Variants in SPHKAP observed in about 807,000 individuals in gnomAD.
The protein encoded by SPHKAP is SPHK1 interactor, AKAP domain containing.
In SPHKAP, 67 loss-of-function variants were observed where a neutral mutation model predicts 137.5. That is an observed-to-expected ratio of 0.49 (90% CI 0.40 to 0.60). The LOEUF is 0.60. Among genes scored for constraint, SPHKAP ranks in the 20% least tolerant of loss-of-function variants. SPHKAP has a pLI of 0.00. For synonymous variants in SPHKAP, 813 were observed against 785.3 expected (o/e 1.04, Z -0.59); for missense variants, 2,097 against 2,069.3 (o/e 1.01, Z -0.26).
intron 2 of SPHKAP, among the ~76,000 whole-genome samples, chr2:228,120,327 G>T (rs996423996): frequency 6.6e-6 from 1 of 152,052 alleles, no homozygotes; most frequent in African/African-American, 2.4e-5. Flanking sequence ...ATATATACCT[G>T]GTCTAAGTTT....
Position 227,995,532 on chromosome 2 carries a change from G to C in SPHKAP, c.4611C>G (p.Leu1537=). The C allele has an allele frequency of 1.2e-6, 2 of 1,614,074 alleles. No individual in the cohort carries two copies. Among genetic ancestry groups the C allele is most frequent in the Non-Finnish European group, 1.7e-6 (2 of 1,179,996 alleles). The part of the protein sequence containing the change: ...EDNPDDTSSF[L]QLSERSMSNG... ...ACCTCATGGATCGCTCACTGAGCTGGAGAAAGCTACTTGTGTCATCTGGGT... is the reference window on the plus strand; with the variant it reads ...ACCTCATGGATCGCTCACTGAGCTGCAGAAAGCTACTTGTGTCATCTGGGT... Residue 1537 remains leucine, a synonymous_variant, in exon 8 of 12, where the codon CTC becomes CTG. Coordinates refer to ENST00000392056, the MANE Select transcript of SPHKAP (RefSeq NM_001142644.2).
At chr2:228,094,909 G>C (rs1004636354) in intron 3 of SPHKAP, among the ~76,000 whole-genome samples, 1 of 152,146 alleles carries the variant, frequency 6.6e-6, no homozygotes, top group Non-Finnish European at 1.5e-5. Flanking sequence ...TTTTTTCTGT[G>C]TTTGTTTACT....
chr2:228,096,223 G>T (rs1310780797), intron 3 of SPHKAP, among the ~76,000 whole-genome samples: 2 of 152,144 alleles, frequency 1.3e-5, no homozygotes, highest in African/African-American at 4.8e-5. Flanking sequence ...GGCTGATCAG[G>T]AGGCAGTATG....
intron 1 of SPHKAP, among the ~76,000 whole-genome samples, chr2:228,143,561 T>C (rs909554444): frequency 6.6e-6 from 1 of 151,974 alleles, no homozygotes; most frequent in Non-Finnish European, 1.5e-5. Flanking sequence ...AGTGGTGTGA[T>C]CTTGGTTCAC....
chr2:228,016,268 CA>C (rs1694584732), intron 7 of SPHKAP, 137 bp downstream of exon 7: 31 of 1,224,910 alleles, frequency 2.5e-5, no homozygotes, highest in Non-Finnish European at 3.2e-5. Context: ...CTCATTAACT[CA>C]TTTTTTTTTT....
At chr2:228,147,745 T>C (rs1699815874) in intron 1 of SPHKAP, among the ~76,000 whole-genome samples, 1 of 152,198 alleles carries the variant, frequency 6.6e-6, no homozygotes, top group East Asian at 1.9e-4. Context: ...ACATACTTTA[T>C]AGAGCACCTA....
chr2:228,164,258 G>T (rs569986766), intron 1 of SPHKAP, among the ~76,000 whole-genome samples: 1 of 152,108 alleles, frequency 6.6e-6, no homozygotes, highest in African/African-American at 2.4e-5. Context: ...CAGGCTGAAG[G>T]CTGCACTGTT....
intron 3 of SPHKAP, among the ~76,000 whole-genome samples, chr2:228,103,193 A>G (rs1377035044): frequency 6.6e-6 from 1 of 152,104 alleles, no homozygotes; most frequent in Non-Finnish European, 1.5e-5. Flanking sequence ...CCCCACAGAA[A>G]CCTAATTCAT....
At chr2:228,079,701 C>T (rs1204370017) in intron 3 of SPHKAP, among the ~76,000 whole-genome samples, 1 of 152,180 alleles carries the variant, frequency 6.6e-6, no homozygotes, top group Non-Finnish European at 1.5e-5. Flanking sequence ...ACCTAGGGTT[C>T]AGCAAGTCCC....
At chr2:228,125,906 A>G (rs904055797) in intron 2 of SPHKAP, among the ~76,000 whole-genome samples, 2 of 152,110 alleles carry the variant, frequency 1.3e-5, no homozygotes, top group Non-Finnish European at 2.9e-5. Flanking sequence ...GTGAAACCAC[A>G]TCTCTACTAA....
At chr2:228,033,215 C>T (rs1223781662) in intron 3 of SPHKAP, among the ~76,000 whole-genome samples, 1 of 152,034 alleles carries the variant, frequency 6.6e-6, no homozygotes, top group African/African-American at 2.4e-5. Context: ...CAAAAAAAGG[C>T]AGGGGTTGCA....
chr2:228,027,382 C>G (rs1345997036), intron 4 of SPHKAP, 102 bp downstream of exon 4: 29 of 1,204,250 alleles, frequency 2.4e-5, no homozygotes, highest in Non-Finnish European at 3.3e-5. Flanking sequence ...ATGAAACTAT[C>G]TAACTAAAGA....
chr2:227,985,831 T>C (rs1442632022), intron 11 of SPHKAP, among the ~76,000 whole-genome samples: 1 of 152,228 alleles, frequency 6.6e-6, no homozygotes, highest in Non-Finnish European at 1.5e-5. Context: ...GTGCAATTTT[T>C]TGGAAACAGT....
At chr2:228,022,557 A>G (rs1694881751) in intron 5 of SPHKAP, among the ~76,000 whole-genome samples, 2 of 152,298 alleles carry the variant, frequency 1.3e-5, no homozygotes, top group Middle Eastern at 3.4e-3. Context: ...ATTACATTTC[A>G]AAGAGACAGC....
intron 7 of SPHKAP, among the ~76,000 whole-genome samples, chr2:228,001,522 T>TATATACATATATATAAAA (rs1195465289): frequency 2.5e-4 from 36 of 144,422 alleles, no homozygotes; most frequent in Non-Finnish European, 7.5e-5. Context: ...TATAAGAATA[T>TATATACATATATATAAAA]ATATACATAT....
Position 227,981,702 on chromosome 2 carries a change from CG to C in SPHKAP, c.*14del. ...GAATAAAGGGAAGGAATGATCTATA[CG>C]GCAGACTGCCTTATTATCCCAGTTC... On this transcript the variant is annotated 3_prime_UTR_variant, in exon 12 of 12. Coordinates refer to ENST00000392056, the MANE Select transcript of SPHKAP (RefSeq NM_001142644.2). 6.2e-7 allele frequency: 1 copy of C among 1,610,070 alleles called. No homozygotes were observed. Among genetic ancestry groups the C allele is most frequent in the Non-Finnish European group, 8.5e-7 (1 of 1,178,158 alleles).
At position 228,027,550 on chromosome 2, in the gene SPHKAP, A is replaced by G; in HGVS notation, c.247-7T>C. On this transcript the variant is annotated splice_region_variant and splice_polypyrimidine_tract_variant and intron_variant, in intron 3 of 11. Transcript: ENST00000392056. Reference sequence around the variant, plus strand: ...CAAGATTCACAAAGCAGACCTGGGAAAAGAGGGCAAAAATAGTACGTTAAA... The same window carrying G: ...CAAGATTCACAAAGCAGACCTGGGAGAAGAGGGCAAAAATAGTACGTTAAA... The G allele has an allele frequency of 6.2e-7, 1 of 1,613,718 alleles. No homozygotes were observed. Among genetic ancestry groups the G allele is most frequent in the South Asian group, 1.1e-5 (1 of 91,070 alleles).
intron 3 of SPHKAP, among the ~76,000 whole-genome samples, chr2:228,064,246 T>C (rs1419348037): frequency 6.6e-6 from 1 of 152,144 alleles, no homozygotes; most frequent in Non-Finnish European, 1.5e-5. Context: ...GTTTCCTTAA[T>C]GGAAAGTAGT....
rs1179995136 is a variant in SPHKAP, at chr2:227,980,613, A to G, written c.*1104T>C. On this transcript the variant is annotated 3_prime_UTR_variant, in exon 12 of 12. Transcript: ENST00000392056. ...TGTGTCAAAGTCTTCTTTTCCCCCA[A>G]TTCAAGGCTAATATCTACGAGTCAG... 1 of 152,188 alleles carries G rather than the reference A, an allele frequency of 6.6e-6. No individual in the cohort carries two copies. The highest frequency in any genetic ancestry group is 1.5e-5 in the Non-Finnish European group (1 of 68,026). 9.4% of individuals were successfully genotyped at this position (152,188 alleles called of 1,614,324 possible). A position where few individuals can be genotyped will look rare whatever the true frequency, so the allele number is the denominator to read the frequency against.
Sources: allele counts gnomAD v4.1 joint callset (sites outside exome capture counted in the v4.1 genomes callset), GRCh38; gene constraint gnomAD v4.1.1; transcripts MANE v1.5; gene names NCBI Gene and HGNC (gene_info 2026-07-23, HGNC 2026-07-21).